The following SLC7A9 variants were observed in gnomAD, a reference collection of about 807,000 sequenced individuals.
SLC7A9 encodes solute carrier family 7 member 9, also known as B(0,+)-type amino acid transporter 1.
SLC7A9 carries 38 observed loss-of-function variants against 54.1 expected under a neutral mutation model. That is an observed-to-expected ratio of 0.70 (90% CI 0.54 to 0.92). The LOEUF (loss-of-function observed/expected upper bound fraction) is 0.92. SLC7A9 is among the 40% of genes least tolerant of loss of function. The pLI is 0.00. For missense variants in SLC7A9, 537 were observed against 636.1 expected (o/e 0.84, Z 1.68); for synonymous variants, 264 against 258.9 (o/e 1.02, Z -0.19).
chr19:32,864,638 C>A lies in SLC7A9; in HGVS notation c.226G>T (p.Ala76Ser). Reference protein sequence around the residue: ...LIIWAACGVLATLGALCFAEL... With the variant: ...LIIWAACGVLSTLGALCFAEL... ...TCCCAAGTCTCTTTACCCAGCGTCG[C>A]GAGGACCCCGCAAGCCGCCCATATG... The change falls in exon 3 of 13, where the codon GCG (alanine) becomes TCG (serine). Residue 76 changes from alanine to serine, a missense_variant. Transcript: ENST00000023064. 6.2e-7 allele frequency: 1 copy of A among 1,613,702 alleles called. No individual in the cohort carries two copies. The highest frequency in any genetic ancestry group is 1.7e-5 in the Admixed American group (1 of 60,024).
At chr19:32,841,834 G>GTCC (rs1251123624) in intron 11 of SLC7A9, among the ~76,000 whole-genome samples, 4 of 152,160 alleles carry the variant, frequency 2.6e-5, no homozygotes, top group Admixed American at 2.6e-4. Flanking sequence ...CTGAACCGGG[G>GTCC]AGGCAGAGGC....
chr19:32,830,819 C>T, intron 12 of SLC7A9, 135 bp from the exon 13 acceptor site: 1 of 718,540 alleles, frequency 1.4e-6, no homozygotes, highest in East Asian at 2.7e-5. Context: ...TCAGGATGGC[C>T]AGCTTTCCTG....
chr19:32,860,166 C>T, intron 7 of SLC7A9: 1 of 1,513,406 alleles, frequency 6.6e-7, no homozygotes, highest in Non-Finnish European at 8.8e-7. Context: ...GCAAAATAAG[C>T]CAGAGATAAA....
At chr19:32,830,744 G>A in intron 12 of SLC7A9, 60 bp from the exon 13 acceptor site, 1 of 1,346,298 alleles carries the variant, frequency 7.4e-7, no homozygotes, top group Non-Finnish European at 1.1e-6. Flanking sequence ...AGTTTCACTG[G>A]AGTTGTTGTG....
intron 9 of SLC7A9, among the ~76,000 whole-genome samples, chr19:32,844,169 G>C (rs1228033512): frequency 6.6e-6 from 1 of 152,130 alleles, no homozygotes; most frequent in Non-Finnish European, 1.5e-5. Context: ...GACTAGGTGT[G>C]GTGGCTCACG....
intron 9 of SLC7A9, among the ~76,000 whole-genome samples, chr19:32,856,102 G>C (rs1358992612): frequency 6.6e-6 from 1 of 152,082 alleles, no homozygotes. Context: ...AGGCTACAGA[G>C]TTTCAGTATG....
At chr19:32,834,886 GT>G (rs1261137013) in intron 11 of SLC7A9, among the ~76,000 whole-genome samples, 6 of 152,198 alleles carry the variant, frequency 3.9e-5, no homozygotes, top group African/African-American at 1.4e-4. Context: ...TGCCTCTTGG[GT>G]TCAAACAGTT....
intron 11 of SLC7A9, among the ~76,000 whole-genome samples, chr19:32,834,553 C>T (rs1967900375): frequency 6.6e-6 from 1 of 151,978 alleles, no homozygotes; most frequent in African/African-American, 2.4e-5. Flanking sequence ...TCGCTTGAAC[C>T]CGGGAGGCGG....
Position 32,864,155 on chromosome 19 carries a change from A to G in SLC7A9, c.419T>C (p.Phe140Ser), listed in dbSNP as rs752881588. 5.6e-5 allele frequency: 90 copies of G among 1,614,052 alleles called. No homozygotes were observed. Among genetic ancestry groups the G allele is most frequent in the South Asian group, 5.5e-5 (5 of 91,086 alleles). The change falls in exon 4 of 13, where the codon TTC becomes TCC. Residue 140 changes from phenylalanine to serine, a missense_variant. Phe to Ser is a radical substitution (Grantham distance 155). Transcript: ENST00000023064. Reference sequence around the variant, plus strand: ...TTGAGGAGGCTTGCAGCCCACATAGAAGGGCGCACACACATACTCGGAGAA... The same window carrying G: ...TTGAGGAGGCTTGCAGCCCACATAGGAGGGCGCACACACATACTCGGAGAA... The part of the protein sequence containing the change: ...LSFSEYVCAP[F>S]YVGCKPPQIV...
chr19:32,853,751 T>C (rs1968534830), intron 9 of SLC7A9, among the ~76,000 whole-genome samples: 1 of 152,036 alleles, frequency 6.6e-6, no homozygotes, highest in African/African-American at 2.4e-5. Context: ...ACCCTGTCTC[T>C]ACTAAAAATA....
chr19:32,864,537 A>G (rs1968905765), intron 3 of SLC7A9, 92 bp downstream of exon 3: 1 of 1,557,090 alleles, frequency 6.4e-7, no homozygotes, highest in Non-Finnish European at 8.8e-7. Context: ...GCCAAGAGGG[A>G]TACTGGCAGG....
chr19:32,834,208 CTT>C (rs1275977342), intron 11 of SLC7A9, among the ~76,000 whole-genome samples: 2 of 152,212 alleles, frequency 1.3e-5, no homozygotes, highest in South Asian at 2.1e-4. Flanking sequence ...TCAAAAGCCT[CTT>C]TGTTTTCTGG....
chr19:32,842,277 T>A lies in SLC7A9; in HGVS notation c.1115A>T (p.Asn372Ile). Reference protein sequence around the residue: ...ATIYIIPGDINSLVNYFSFAA... With the variant: ...ATIYIIPGDIISLVNYFSFAA... ...AAAGCTGAAATAATTGACTAACGAG[T>A]TTATGTCACCAGGGATGATATAAAT... The change falls in exon 11 of 13, where the codon AAC becomes ATC. Residue 372 changes from asparagine (N) to isoleucine (I), a missense_variant. Physicochemically the swap from Asn to Ile is moderately radical, Grantham distance 149. Coordinates refer to ENST00000023064, the MANE Select transcript of SLC7A9 (RefSeq NM_014270.5). 1 of 1,613,736 alleles carries A rather than the reference T, an allele frequency of 6.2e-7. No homozygotes were observed. Among genetic ancestry groups the A allele is most frequent in the Non-Finnish European group, 8.5e-7 (1 of 1,179,812 alleles).
At chr19:32,841,886 G>A (rs753940211) in intron 11 of SLC7A9, among the ~76,000 whole-genome samples, 2 of 152,186 alleles carry the variant, frequency 1.3e-5, no homozygotes, top group Non-Finnish European at 2.9e-5. Context: ...CAGCCCAGGC[G>A]ACAAAGTGAG....
chr19:32,866,481 A>G (rs566372268), intron 2 of SLC7A9, among the ~76,000 whole-genome samples: 7 of 152,146 alleles, frequency 4.6e-5, no homozygotes, highest in African/African-American at 1.7e-4. Context: ...TTGGAGTGCA[A>G]TGGCGCGATC....
chr19:32,868,316 G>A, intron 2 of SLC7A9, 132 bp downstream of exon 2: 1 of 674,370 alleles, frequency 1.5e-6, no homozygotes, highest in Non-Finnish European at 2.8e-6. Flanking sequence ...CTTTAAAGAT[G>A]TACTTCACAA....
At chr19:32,851,221 A>C (rs974874250) in intron 9 of SLC7A9, among the ~76,000 whole-genome samples, 13 of 152,080 alleles carry the variant, frequency 8.5e-5, no homozygotes, top group Admixed American at 3.3e-4. Flanking sequence ...AGCAACTACC[A>C]TCAGAGTGAA....
intron 8 of SLC7A9, 50 bp downstream of exon 8, chr19:32,859,791 C>G (rs1968739169): frequency 6.7e-7 from 1 of 1,481,846 alleles, no homozygotes; most frequent in South Asian, 1.1e-5. Context: ...CCTGCCTTAC[C>G]CCTTCCCACA....
chr19:32,835,128 C>T (rs1234818030), intron 11 of SLC7A9, among the ~76,000 whole-genome samples: 2 of 152,196 alleles, frequency 1.3e-5, no homozygotes, highest in East Asian at 1.9e-4. Context: ...TTTCGGTCTT[C>T]AGCTACCTTT....
Sources: gnomAD v4.1 joint callset for allele counts (sites outside exome capture counted in the v4.1 genomes callset) on GRCh38, gnomAD v4.1.1 for gene constraint, MANE v1.5 for transcripts, NCBI Gene and HGNC (gene_info 2026-07-23, HGNC 2026-07-21) for gene names.